SNAP23: variants seen among roughly 807,000 people sequenced by gnomAD.
SNAP23 encodes the protein synaptosome associated protein 23.
SNAP23 carries 11 observed loss-of-function variants against 29.0 expected under a neutral mutation model. That is an observed-to-expected ratio of 0.38 (90% CI 0.24 to 0.63). The LOEUF (loss-of-function observed/expected upper bound fraction) is 0.63. Among genes scored for constraint, SNAP23 ranks in the 20% least tolerant of loss-of-function variants. SNAP23 has a pLI of 0.58. For missense variants in SNAP23, 220 were observed against 253.9 expected, an observed-to-expected ratio of 0.87 and a Z score of 0.91; for synonymous variants, 60 against 82.9, an observed-to-expected ratio of 0.72 and a Z score of 1.50.
upstream of SNAP23, among the ~76,000 whole-genome samples, chr15:42,494,072 A>G (rs887446044): frequency 1.3e-5 from 2 of 151,936 alleles, no homozygotes; most frequent in Non-Finnish European, 2.9e-5. Flanking sequence ...TCTCAGTTGA[A>G]TCTTCCCTAC....
At chr15:42,503,023 A>C (rs1417858734) in intron 1 of SNAP23, among the ~76,000 whole-genome samples, 1 of 152,160 alleles carries the variant, frequency 6.6e-6, no homozygotes, top group Non-Finnish European at 1.5e-5. Context: ...TCCTGGGCTC[A>C]GGTGATCCTC....
At chr15:42,522,941 T>A (rs1595527874) in intron 5 of SNAP23, among the ~76,000 whole-genome samples, 1 of 143,414 alleles carries the variant, frequency 7.0e-6, no homozygotes, top group African/African-American at 2.6e-5. Flanking sequence ...TGCTCCCAGG[T>A]TCAAGCGATT....
chr15:42,519,055 CT>C (rs34865842), intron 5 of SNAP23, among the ~76,000 whole-genome samples: 33,231 of 130,498 alleles, frequency 0.25, 6,479 homozygotes, highest in African/African-American at 0.61. Context: ...GTTTCTTCTT[CT>C]TTTTTTTTTT....
intron 1 of SNAP23, among the ~76,000 whole-genome samples, chr15:42,503,715 C>T (rs1216697562): frequency 6.6e-6 from 1 of 151,970 alleles, no homozygotes; most frequent in Non-Finnish European, 1.5e-5. Flanking sequence ...GTTGGCCAGT[C>T]TGGTCTCAAA....
chr15:42,506,104 C>T (rs944011027), intron 1 of SNAP23, among the ~76,000 whole-genome samples: 2 of 151,834 alleles, frequency 1.3e-5, no homozygotes, highest in Non-Finnish European at 2.9e-5. Flanking sequence ...CACCACCACA[C>T]CTGGCTAATT....
chr15:42,517,199 C>A (rs568652147), intron 5 of SNAP23, among the ~76,000 whole-genome samples: 1 of 152,274 alleles, frequency 6.6e-6, no homozygotes, highest in East Asian at 1.9e-4. Context: ...GGATTACATG[C>A]GTGAGCCACT....
chr15:42,520,736 C>T (rs1158355751), intron 5 of SNAP23, among the ~76,000 whole-genome samples: 3 of 152,190 alleles, frequency 2.0e-5, no homozygotes, highest in Non-Finnish European at 2.9e-5. Context: ...CCTCGTGATC[C>T]GCCCGCCTTG....
At chr15:42,521,427 C>A (rs937277452) in intron 5 of SNAP23, 1 of 977,508 alleles carries the variant, frequency 1.0e-6, no homozygotes, top group East Asian at 1.1e-4. Flanking sequence ...AAATAGTTTT[C>A]TTATTTTTCT....
intron 1 of SNAP23, among the ~76,000 whole-genome samples, chr15:42,507,774 T>C (rs764934923): frequency 2.0e-5 from 3 of 152,206 alleles, no homozygotes; most frequent in South Asian, 2.1e-4. Context: ...AGGAGTATTA[T>C]TCCTTGTCTG....
intron 5 of SNAP23, 49 bp downstream of exon 5, chr15:42,515,403 C>A: frequency 2.9e-6 from 3 of 1,046,732 alleles, no homozygotes; most frequent in South Asian, 2.8e-5. Flanking sequence ...GAGAGTACCC[C>A]ACCTTCTCCC....
At chr15:42,526,531 G>A (rs542277113) in intron 5 of SNAP23, among the ~76,000 whole-genome samples, 24 of 152,158 alleles carry the variant, frequency 1.6e-4, no homozygotes, top group Admixed American at 8.5e-4. Flanking sequence ...TAGGTTTGCC[G>A]AAAATGAATC....
At chr15:42,501,405 G>T (rs552536593) in intron 1 of SNAP23, among the ~76,000 whole-genome samples, 117 of 151,884 alleles carry the variant, frequency 7.7e-4, no homozygotes, top group African/African-American at 2.6e-3. Flanking sequence ...GTGTTTTTTT[G>T]TTTGTTTGTT....
At chr15:42,520,925 A>T (rs561107212) in intron 5 of SNAP23, among the ~76,000 whole-genome samples, 52 of 152,376 alleles carry the variant, frequency 3.4e-4, no homozygotes, top group African/African-American at 1.2e-3. Flanking sequence ...TTGGCACTAC[A>T]GGTTTACTGC....
At chr15:42,528,137 A>G in intron 5 of SNAP23, 125 bp from the exon 6 acceptor site, 6 of 532,350 alleles carry the variant, frequency 1.1e-5, no homozygotes, top group South Asian at 7.5e-5. Context: ...GATCATCTAG[A>G]CTTAGCTGTA....
chr15:42,519,188 G>A (rs2057423111), intron 5 of SNAP23, among the ~76,000 whole-genome samples: 1 of 151,500 alleles, frequency 6.6e-6, no homozygotes, highest in African/African-American at 2.4e-5. Context: ...CCAAATAGCT[G>A]GGATTACTGG....
chr15:42,513,868 C>T (rs1347126188), intron 4 of SNAP23, among the ~76,000 whole-genome samples: 1 of 152,082 alleles, frequency 6.6e-6, no homozygotes, highest in Non-Finnish European at 1.5e-5. Context: ...GGCTGGAGTG[C>T]AATGGCGTGA....
intron 1 of SNAP23, among the ~76,000 whole-genome samples, chr15:42,500,627 T>G (rs2057261602): frequency 6.6e-6 from 1 of 152,090 alleles, no homozygotes; most frequent in African/African-American, 2.4e-5. Flanking sequence ...TGACCTCAGA[T>G]GATCTGCCTG....
intron 5 of SNAP23, among the ~76,000 whole-genome samples, chr15:42,523,806 TTTTGTTTG>T (rs144295533): frequency 1.3e-5 from 2 of 151,734 alleles, no homozygotes; most frequent in African/African-American, 4.9e-5. Flanking sequence ...GTTTTTTGTT[TTTTGTTTG>T]TTTGTTTGTT....
At chr15:42,523,364 T>G (rs1181703916) in intron 5 of SNAP23, among the ~76,000 whole-genome samples, 1 of 152,232 alleles carries the variant, frequency 6.6e-6, no homozygotes, top group Non-Finnish European at 1.5e-5. Flanking sequence ...AAGAGTCCTG[T>G]CACAGATTAG....
Sources: gnomAD v4.1 joint callset for allele counts (sites outside exome capture counted in the v4.1 genomes callset) on GRCh38, gnomAD v4.1.1 for gene constraint, MANE v1.5 for transcripts, NCBI Gene and HGNC (gene_info 2026-07-23, HGNC 2026-07-21) for gene names.